PIEZO2: variants seen among roughly 807,000 people sequenced by gnomAD.
PIEZO2 encodes the protein piezo type mechanosensitive ion channel component 2, also known as piezo-type mechanosensitive ion channel component 2.
In PIEZO2, 172 loss-of-function variants were observed where a neutral mutation model predicts 337.3. The observed-to-expected ratio is 0.51, with a 90% CI of 0.45 to 0.58. The LOEUF is 0.58. Ranked by LOEUF, PIEZO2 falls within the 20% of genes least tolerant of loss-of-function variation. The pLI, the probability that PIEZO2 is intolerant of heterozygous loss-of-function variation, is 0.00. For missense variants in PIEZO2, 3,028 were observed against 3,391.3 expected, an observed-to-expected ratio of 0.89 and a Z score of 2.66; for synonymous variants, 1,251 against 1,228.5, an observed-to-expected ratio of 1.02 and a Z score of -0.38.
intron 36 of PIEZO2, among the ~76,000 whole-genome samples, chr18:10,722,149 C>CAAAA (rs57201451): frequency 6.4e-5 from 8 of 125,410 alleles, no homozygotes; most frequent in South Asian, 2.6e-4. Context: ...GACTCCATCT[C>CAAAA]AAAAAAAAAA....
intron 7 of PIEZO2, among the ~76,000 whole-genome samples, chr18:10,820,001 G>T (rs1442859180): frequency 3.3e-5 from 5 of 152,088 alleles, no homozygotes; most frequent in African/African-American, 1.2e-4. Flanking sequence ...TTATCCTATT[G>T]CTTTTTGAAT....
rs774029159 is a variant in PIEZO2, at chr18:10,702,003, G to A, written c.6427C>T (p.Arg2143Ter). The change falls in exon 43 of 56, where the codon CGA (arginine) becomes TGA (stop). Residue 2143 changes from arginine to a stop codon, truncating the protein, a stop_gained. Coordinates refer to ENST00000674853, the MANE Select transcript of PIEZO2 (RefSeq NM_001378183.1). LOFTEE classifies it high-confidence loss of function. ...LIQLLALFFH[R>*]SILKCHGLWD... is the part of the protein sequence containing the mutation. ...ACATGCAGTACCTTCAAAATTGATC[G>A]ATGAAAGAACAGAGCCAGGAGCTGG... 18 of 1,525,888 alleles carry A rather than the reference G, an allele frequency of 1.2e-5. No homozygotes were observed. The highest frequency in any genetic ancestry group is 2.1e-5 in the Admixed American group (1 of 47,038). 94.5% of individuals were successfully genotyped at this position (1,525,888 alleles called of 1,614,324 possible).
intron 3 of PIEZO2, among the ~76,000 whole-genome samples, chr18:10,938,211 A>G (rs1217644850): frequency 6.6e-6 from 1 of 152,232 alleles, no homozygotes; most frequent in Non-Finnish European, 1.5e-5. Context: ...GACTGAGGCC[A>G]TTGGTCTTAG....
Position 10,784,664 on chromosome 18 carries a change from T to C in PIEZO2, c.2492+120A>G. The C allele has an allele frequency of 3.1e-6, 3 of 965,398 alleles. No homozygotes were observed. The highest frequency in any genetic ancestry group is 3.3e-5 in the African/African-American group (2 of 60,864). The allele number at this position is 965,398 out of a possible 1,614,324, so 59.8% of individuals were successfully genotyped here. On this transcript the variant is annotated intron_variant, in intron 17 of 55. Coordinates refer to ENST00000674853, the MANE Select transcript of PIEZO2 (RefSeq NM_001378183.1). The surrounding 1 kb of genome is among the most constrained non-coding windows in gnomAD (Gnocchi z 4.5). ...TCTTTTTCTCACAAGCTGATACTCA[T>C]GGAAAATTCAAGGCTGAAACTTTTA...
intron 4 of PIEZO2, among the ~76,000 whole-genome samples, chr18:10,901,808 C>T (rs558855296): frequency 8.5e-5 from 13 of 152,206 alleles, no homozygotes; most frequent in African/African-American, 2.9e-4. Context: ...CTGATTGAAT[C>T]TATCAAATAC....
chr18:11,105,992 A>G lies in PIEZO2; in HGVS notation c.65-39770T>C, dbSNP rs895126810. Among the ~76,000 whole-genome samples, 7 of 152,196 alleles carry G rather than the reference A, an allele frequency of 4.6e-5. No individual in the cohort carries two copies. Among genetic ancestry groups the G allele is most frequent in the African/African-American group, 1.7e-4 (7 of 41,448 alleles). The stretch of plus-strand genomic sequence containing the variant: ...TTTGGCATAGGAGGAAAAGTCATTC[A>G]TGAACAAATTCTTAAAATTTATTTT... On this transcript the variant is annotated intron_variant, in intron 1 of 55. Coordinates refer to ENST00000674853, the MANE Select transcript of PIEZO2 (RefSeq NM_001378183.1). This position sits in a 1 kb window ranked among gnomAD's most constrained non-coding sequence, Gnocchi z 4.3.
intron 1 of PIEZO2, among the ~76,000 whole-genome samples, chr18:11,113,386 C>G (rs1457537478): frequency 6.6e-6 from 1 of 152,224 alleles, no homozygotes; most frequent in African/African-American, 2.4e-5. Flanking sequence ...CTTGACCAAA[C>G]TTTAATCAGG....
rs186768182 is a variant in PIEZO2, at chr18:10,994,654, C to T, written c.161-14994G>A. Among the ~76,000 whole-genome samples the T allele has an allele frequency of 3.3e-3, 506 of 151,600 alleles. 8 individuals are homozygous for T. The highest frequency in any genetic ancestry group is 0.012 in the African/African-American group (481 of 41,316). ...CAAACTCCTGACCTCGTGATCTACC[C>T]GCCTCAGCCTCCCAAAGTGCTGGGA... On this transcript the variant is annotated intron_variant, in intron 2 of 55. Transcript: ENST00000674853.
intron 1 of PIEZO2, among the ~76,000 whole-genome samples, chr18:11,124,653 C>A (rs2040130345): frequency 6.6e-6 from 1 of 152,060 alleles, no homozygotes; most frequent in South Asian, 2.1e-4. Context: ...CAGTACCCAG[C>A]AGAAGACTAA....
At chr18:10,680,148 A>T (rs747068420) in intron 52 of PIEZO2, 51 bp downstream of exon 52, 1 of 1,478,888 alleles carries the variant, frequency 6.8e-7, no homozygotes, top group South Asian at 1.3e-5. Flanking sequence ...CCCCAACTCC[A>T]TGTTTAGACT....
At chr18:10,791,522 G>T in intron 13 of PIEZO2, 198 bp from the exon 14 acceptor site, 3 of 467,526 alleles carry the variant, frequency 6.4e-6, no homozygotes, top group Non-Finnish European at 1.0e-5. Context: ...ATGCTCCCAT[G>T]TTTGTGTTGG....
chr18:10,690,172 G>A (rs575573446), intron 48 of PIEZO2, among the ~76,000 whole-genome samples: 49 of 152,256 alleles, frequency 3.2e-4, no homozygotes, highest in African/African-American at 1.1e-3. Flanking sequence ...GTTAGTAGGG[G>A]TGGTGCACCT....
At chr18:10,838,421 G>A (rs1381416690) in intron 7 of PIEZO2, among the ~76,000 whole-genome samples, 1 of 152,148 alleles carries the variant, frequency 6.6e-6, no homozygotes, top group Admixed American at 6.5e-5. Context: ...TTTGCACTGA[G>A]TCCCCTGGGC....
At chr18:10,948,979 T>C (rs1057183893) in intron 3 of PIEZO2, among the ~76,000 whole-genome samples, 3 of 152,206 alleles carry the variant, frequency 2.0e-5, no homozygotes, top group African/African-American at 7.2e-5. Context: ...AAGCATGTTT[T>C]CTCTGCTCCT....
At chr18:10,972,857 GACCA>G (rs1384337715) in intron 3 of PIEZO2, among the ~76,000 whole-genome samples, 1 of 152,088 alleles carries the variant, frequency 6.6e-6, no homozygotes, top group Admixed American at 6.5e-5. Flanking sequence ...TGTACTATTT[GACCA>G]CTTACAATGG....
intron 1 of PIEZO2, among the ~76,000 whole-genome samples, chr18:11,113,351 A>G (rs1298095328): frequency 1.3e-5 from 2 of 152,156 alleles, no homozygotes; most frequent in African/African-American, 4.8e-5. Flanking sequence ...CCATTGACCA[A>G]CCTGGACAAA....
At chr18:11,095,440 G>T (rs1246224173) in intron 1 of PIEZO2, among the ~76,000 whole-genome samples, 1 of 152,164 alleles carries the variant, frequency 6.6e-6, no homozygotes. Context: ...CATTTGCAAC[G>T]TGAAGCGAGT....
intron 1 of PIEZO2, among the ~76,000 whole-genome samples, chr18:11,124,174 A>T (rs2040115484): frequency 6.6e-6 from 1 of 152,218 alleles, no homozygotes; most frequent in South Asian, 2.1e-4. Context: ...GAATGAGCAA[A>T]AATCCAGTAA....
At chr18:10,949,202 C>T (rs1598735636) in intron 3 of PIEZO2, among the ~76,000 whole-genome samples, 1 of 152,106 alleles carries the variant, frequency 6.6e-6, no homozygotes, top group East Asian at 1.9e-4. Context: ...AAGTAGGAAA[C>T]ATTTTTTTCT....
Sources: allele counts gnomAD v4.1 joint callset (sites outside exome capture counted in the v4.1 genomes callset), GRCh38; gene constraint gnomAD v4.1.1; non-coding constraint Gnocchi (gnomAD v3.1); transcripts MANE v1.5; gene names NCBI Gene and HGNC (gene_info 2026-07-23, HGNC 2026-07-21).